The following COMMD2 variants were observed in gnomAD, a reference collection of about 807,000 sequenced individuals.
The protein encoded by COMMD2 is COMM domain containing 2, also known as COMM domain-containing protein 2.
Under a neutral mutation model 22.5 loss-of-function variants are expected in COMMD2, and 25 were observed. That is an observed-to-expected ratio of 1.11 (90% CI 0.81 to 1.55). The LOEUF (loss-of-function observed/expected upper bound fraction) is 1.55. Ranked by LOEUF, COMMD2 falls within the 40% of genes most tolerant of loss-of-function variation. The pLI is 0.00. For missense variants in COMMD2, 223 were observed against 232.9 expected (o/e 0.96, Z 0.28); for synonymous variants, 98 against 91.2 (o/e 1.07, Z -0.42).
At chr3:149,742,059 T>C (rs1716244535) in intron 4 of COMMD2, among the ~76,000 whole-genome samples, 1 of 151,640 alleles carries the variant, frequency 6.6e-6, no homozygotes, top group African/African-American at 2.4e-5. Flanking sequence ...AACAGACATA[T>C]AACCAAAAAA....
chr3:149,750,724 G>A lies in COMMD2; in HGVS notation c.356C>T (p.Pro119Leu), dbSNP rs576720337. 8.1e-6 allele frequency: 13 copies of A among 1,599,618 alleles called. No homozygotes were observed. The South Asian group carries it at 1.5e-4, about 18-fold the overall frequency. ...AAGGTTATGATAACTGGGAAGGCTT[G>A]GTGCCAATTCACTCAGAATCGTTCT... ...EIRTILSELAPSLPSYHNLEW... is the reference protein window; with the variant it reads ...EIRTILSELALSLPSYHNLEW... Residue 119 changes from proline to leucine, a missense_variant, in exon 4 of 5, where the codon CCA becomes CTA. Pro to Leu is a moderately conservative substitution (Grantham distance 98). Coordinates refer to ENST00000473414, the MANE Select transcript of COMMD2 (RefSeq NM_016094.4).
At position 149,741,442 on chromosome 3, in the gene COMMD2, A is replaced by G. The variant is rs1190040276; in HGVS notation, c.*79T>C. On this transcript the variant is annotated 3_prime_UTR_variant, in exon 5 of 5. Transcript: ENST00000473414. ...TGTATTTATCATCATGAATTAATAA[A>G]AAATTAATTTTGAAAAGTAATTGCT... The G allele has an allele frequency of 1.8e-6, 2 of 1,129,912 alleles. No homozygotes were observed. Among genetic ancestry groups the G allele is most frequent in the Non-Finnish European group, 2.7e-6 (2 of 752,942 alleles). 70.0% of individuals were successfully genotyped at this position (1,129,912 alleles called of 1,614,324 possible).
At chr3:149,745,918 GT>G (rs912987949) in intron 4 of COMMD2, among the ~76,000 whole-genome samples, 1 of 152,142 alleles carries the variant, frequency 6.6e-6, no homozygotes, top group Non-Finnish European at 1.5e-5. Flanking sequence ...GTTAGTGGTT[GT>G]TTTTCCTGAA....
chr3:149,748,320 T>A (rs1333559271), intron 4 of COMMD2, among the ~76,000 whole-genome samples: 2 of 152,160 alleles, frequency 1.3e-5, no homozygotes, highest in Non-Finnish European at 2.9e-5. Context: ...CTTTTCTTAG[T>A]CAAGCTGGAA....
chr3:149,750,165 G>C (rs561698005), intron 4 of COMMD2: 4 of 172,694 alleles, frequency 2.3e-5, no homozygotes, highest in African/African-American at 9.5e-5. Flanking sequence ...AGAGAAGCCA[G>C]GTACAAAAGA....
At chr3:149,741,834 T>A in intron 4 of COMMD2, 116 bp from the exon 5 acceptor site, 2 of 773,830 alleles carry the variant, frequency 2.6e-6, no homozygotes, top group South Asian at 1.8e-5. Context: ...AATTACAGAC[T>A]TCAAAATGAA....
Position 149,739,944 on chromosome 3 carries a change from C to T in COMMD2, c.*1577G>A, listed in dbSNP as rs1716166956. ...TCAAGTATGTTTTTCTTCCACTAGCCTATTCCCTGCTAGGCTCTCTCTTCT... is the reference window on the plus strand; with the variant it reads ...TCAAGTATGTTTTTCTTCCACTAGCTTATTCCCTGCTAGGCTCTCTCTTCT... On this transcript the variant is annotated 3_prime_UTR_variant, in exon 5 of 5. Transcript: ENST00000473414. The T allele has an allele frequency of 6.6e-6, 1 of 152,202 alleles. No homozygotes were observed. Among genetic ancestry groups the T allele is most frequent in the Non-Finnish European group, 1.5e-5 (1 of 68,044 alleles). 9.4% of individuals were successfully genotyped at this position (152,202 alleles called of 1,614,324 possible). A position where few individuals can be genotyped will look rare whatever the true frequency, so the allele number is the denominator to read the frequency against.
chr3:149,748,000 G>A (rs1001259857), intron 4 of COMMD2, among the ~76,000 whole-genome samples: 17 of 150,586 alleles, frequency 1.1e-4, no homozygotes, highest in Non-Finnish European at 2.4e-4. Flanking sequence ...GCAAAATAAT[G>A]GAGCAGCAGT....
At chr3:149,745,054 C>A (rs1490143086) in intron 4 of COMMD2, among the ~76,000 whole-genome samples, 2 of 152,120 alleles carry the variant, frequency 1.3e-5, no homozygotes, top group African/African-American at 4.8e-5. Flanking sequence ...CCCCAAAAGT[C>A]AGGGGACATT....
Position 149,738,756 on chromosome 3 carries a change from A to G in COMMD2, c.*2765T>C, listed in dbSNP as rs1716127301. On this transcript the variant is annotated 3_prime_UTR_variant, in exon 5 of 5. Coordinates refer to ENST00000473414, the MANE Select transcript of COMMD2 (RefSeq NM_016094.4). ...GGGGCACATACTGTTATGAATTTTA[A>G]TGGCTCCTACACATGCATCCTTTAT... The G allele has an allele frequency of 6.6e-6, 1 of 152,156 alleles. No homozygotes were observed. Among genetic ancestry groups the G allele is most frequent in the Non-Finnish European group, 1.5e-5 (1 of 67,980 alleles). 9.4% of individuals were successfully genotyped at this position (152,156 alleles called of 1,614,324 possible). A position where few individuals can be genotyped will look rare whatever the true frequency, so the allele number is the denominator to read the frequency against.
chr3:149,752,280 G>A lies in COMMD2; in HGVS notation c.75C>T (p.Ala25=). 1 of 1,614,018 alleles carries A rather than the reference G, an allele frequency of 6.2e-7. No individual in the cohort carries two copies. The highest frequency in any genetic ancestry group is 1.3e-5 in the African/African-American group (1 of 75,022). ...FLPQVDSAVV[A]EFGRIAVEFL... ...ATTCCACAGCAATCCGCCCAAACTC[G>A]GCGACCACTGCAATGAAAGTCAGAA... The change falls in exon 2 of 5, where the codon GCC becomes GCT. Residue 25 remains alanine, a synonymous_variant. Coordinates refer to ENST00000473414, the MANE Select transcript of COMMD2 (RefSeq NM_016094.4).
rs200287559 is a variant in COMMD2 at position 149,752,452 on chromosome 3, G to C, written c.-8C>G. On this transcript the variant is annotated 5_prime_UTR_variant, in exon 1 of 5. Coordinates refer to ENST00000473414, the MANE Select transcript of COMMD2 (RefSeq NM_016094.4). ...GGACAATTCCAGCAGCATCTTCACT[G>C]TCCTACGATTTCACCCGGCAGCGCC... The C allele has an allele frequency of 4.3e-6, 7 of 1,611,816 alleles. No individual in the cohort carries two copies. Among genetic ancestry groups the C allele is most frequent in the Non-Finnish European group, 5.9e-6 (7 of 1,178,792 alleles).
intron 2 of COMMD2, 83 bp downstream of exon 2, chr3:149,752,127 A>G: frequency 1.7e-6 from 2 of 1,152,030 alleles, no homozygotes; most frequent in South Asian, 2.7e-5. Context: ...AGGACTCGCA[A>G]TAATCCGTTT....
At chr3:149,747,572 G>A (rs1262948190) in intron 4 of COMMD2, among the ~76,000 whole-genome samples, 1 of 152,200 alleles carries the variant, frequency 6.6e-6, no homozygotes, top group Non-Finnish European at 1.5e-5. Flanking sequence ...AGATTATAAA[G>A]CCTGATTAGG....
rs1716554755 is a variant in COMMD2, at chr3:149,752,294, T to G, written c.68-7A>C. ...CGCCCAAACTCGGCGACCACTGCAA[T>G]GAAAGTCAGAAGGCTGTTGAGTGCC... On this transcript the variant is annotated splice_region_variant and splice_polypyrimidine_tract_variant and intron_variant, in intron 1 of 4. Transcript: ENST00000473414. The G allele has an allele frequency of 6.2e-7, 1 of 1,613,944 alleles. No homozygotes were observed. The highest frequency in any genetic ancestry group is 8.5e-7 in the Non-Finnish European group (1 of 1,179,938).
intron 4 of COMMD2, among the ~76,000 whole-genome samples, chr3:149,747,072 T>G (rs1227176166): frequency 6.6e-6 from 1 of 152,148 alleles, no homozygotes; most frequent in Non-Finnish European, 1.5e-5. Context: ...GAGATTTGGG[T>G]GGGGACATAG....
rs1163919877 is a variant in COMMD2, at chr3:149,751,224, G to A, written c.228+179C>T. 4.7e-6 allele frequency: 4 copies of A among 855,644 alleles called. No homozygotes were observed. In the African/African-American group the frequency reaches 5.2e-5, roughly 11 times the overall value. 53.0% of individuals were successfully genotyped at this position (855,644 alleles called of 1,614,324 possible). On this transcript the variant is annotated intron_variant, in intron 3 of 4. Coordinates refer to ENST00000473414, the MANE Select transcript of COMMD2 (RefSeq NM_016094.4). ...ATACTAGCTATTTATACTAGCAAGA[G>A]GTATTCATATCAGCAGATGATATGA...
Position 149,741,859 on chromosome 3 carries a change from A to G in COMMD2, c.403-141T>C, listed in dbSNP as rs1434372585. On this transcript the variant is annotated intron_variant, in intron 4 of 4. Coordinates refer to ENST00000473414, the MANE Select transcript of COMMD2 (RefSeq NM_016094.4). ...TTCAAAATGAAAAGTAAACTTTAAA[A>G]CCTTTGAAAAGAAAATAATGAGAAT... 6.1e-6 allele frequency: 4 copies of G among 653,532 alleles called. No individual in the cohort carries two copies. The African/African-American group carries it at 7.3e-5, about 12-fold the overall frequency. The allele number at this position is 653,532 out of a possible 1,614,324, so 40.5% of individuals were successfully genotyped here.
At chr3:149,750,003 T>C (rs1716487216) in intron 4 of COMMD2, among the ~76,000 whole-genome samples, 1 of 152,214 alleles carries the variant, frequency 6.6e-6, no homozygotes, top group Non-Finnish European at 1.5e-5. Context: ...TTAGCACAGC[T>C]CTAATCAGCA....
Sources: gnomAD v4.1 joint callset for allele counts (sites outside exome capture counted in the v4.1 genomes callset) on GRCh38, gnomAD v4.1.1 for gene constraint, MANE v1.5 for transcripts, NCBI Gene and HGNC (gene_info 2026-07-23, HGNC 2026-07-21) for gene names.